PCP4: variants seen among roughly 807,000 people sequenced by gnomAD.
The protein encoded by PCP4 is calmodulin regulator protein PCP4.
PCP4 carries 8 observed loss-of-function variants against 10.0 expected under a neutral mutation model. The ratio of observed to expected loss-of-function variants is 0.80; its 90% CI spans 0.47 to 1.45. PCP4 has a LOEUF of 1.45. Among genes scored for constraint, PCP4 ranks in the 40% most tolerant of loss-of-function variants. PCP4 has a pLI of 0.00. For missense variants in PCP4, 54 were observed against 74.4 expected (o/e 0.73, Z 1.01); for synonymous variants, 21 against 23.0 (o/e 0.91, Z 0.24).
At chr21:39,884,201 T>C (rs910513648) in intron 1 of PCP4, among the ~76,000 whole-genome samples, 3 of 151,506 alleles carry the variant, frequency 2.0e-5, no homozygotes, top group African/African-American at 7.3e-5. Context: ...TTTTGAGAGA[T>C]GGAATTTCTC....
intron 1 of PCP4, 83 bp downstream of exon 1, chr21:39,867,593 G>T: frequency 7.9e-7 from 1 of 1,258,440 alleles, no homozygotes; most frequent in Admixed American, 1.7e-5. Flanking sequence ...GAAATGTGAG[G>T]GACTTAGCAG....
chr21:39,915,566 G>T (rs2087565140), intron 2 of PCP4, among the ~76,000 whole-genome samples: 1 of 152,222 alleles, frequency 6.6e-6, no homozygotes, highest in Non-Finnish European at 1.5e-5. Context: ...TGGTCAAGGG[G>T]AGTCTGTGTA....
intron 1 of PCP4, among the ~76,000 whole-genome samples, chr21:39,897,240 T>C (rs1048736608): frequency 4.6e-5 from 7 of 151,916 alleles, no homozygotes; most frequent in Non-Finnish European, 8.8e-5. Flanking sequence ...ATACAAAAAT[T>C]AGCCGGGGGT....
chr21:39,876,352 G>A (rs9978035), intron 1 of PCP4, among the ~76,000 whole-genome samples: 21,264 of 152,004 alleles, frequency 0.14, 1,784 homozygotes, highest in Middle Eastern at 0.21. Context: ...CCTCCTGTGC[G>A]TGGAATCATA....
intron 1 of PCP4, among the ~76,000 whole-genome samples, chr21:39,873,674 A>C (rs1434301678): frequency 1.3e-5 from 2 of 152,176 alleles, no homozygotes; most frequent in South Asian, 4.1e-4. Flanking sequence ...TGAATACAGA[A>C]ACGTTTTCCA....
Position 39,923,982 on chromosome 21 carries a change from G to A in PCP4, c.62-5002G>A, listed in dbSNP as rs77987792. ...AGTCTCTCTTTTGAACAAATTTTAA[G>A]GATATTCTTTCTGCCTTGTATTTCT... On this transcript the variant is annotated intron_variant, in intron 2 of 2. Coordinates refer to ENST00000328619, the MANE Select transcript of PCP4 (RefSeq NM_006198.3). Among the ~76,000 whole-genome samples the A allele has an allele frequency of 8.4e-3, 1,279 of 152,312 alleles. 17 individuals are homozygous for A. Among genetic ancestry groups the A allele is most frequent in the African/African-American group, 0.03 (1,228 of 41,568 alleles).
chr21:39,904,065 G>C (rs1346595640), intron 2 of PCP4, among the ~76,000 whole-genome samples: 6 of 152,074 alleles, frequency 3.9e-5, no homozygotes, highest in Non-Finnish European at 5.9e-5. Context: ...TACACACACA[G>C]AGTCACTTTC....
intron 2 of PCP4, among the ~76,000 whole-genome samples, chr21:39,903,853 G>A (rs2087492958): frequency 7.2e-6 from 1 of 139,804 alleles, no homozygotes; most frequent in Admixed American, 7.2e-5. Context: ...GGGCTAAAGA[G>A]TGGGACTCCG....
At chr21:39,916,668 G>A (rs1183428920) in intron 2 of PCP4, among the ~76,000 whole-genome samples, 1 of 152,174 alleles carries the variant, frequency 6.6e-6, no homozygotes, top group Non-Finnish European at 1.5e-5. Flanking sequence ...GCGTGTATAT[G>A]TTCATTGCAG....
At chr21:39,884,591 G>A (rs1241157052) in intron 1 of PCP4, among the ~76,000 whole-genome samples, 1 of 151,954 alleles carries the variant, frequency 6.6e-6, no homozygotes, top group African/African-American at 2.4e-5. Flanking sequence ...GAGGTCAGGA[G>A]TTCGAGACCA....
intron 1 of PCP4, among the ~76,000 whole-genome samples, chr21:39,875,556 G>A (rs771247270): frequency 2.6e-5 from 4 of 152,174 alleles, no homozygotes; most frequent in Non-Finnish European, 5.9e-5. Context: ...AAAACAATAA[G>A]GGTGACTTGA....
intron 1 of PCP4, among the ~76,000 whole-genome samples, chr21:39,892,913 T>C (rs2087439910): frequency 6.6e-6 from 1 of 152,214 alleles, no homozygotes; most frequent in South Asian, 2.1e-4. Flanking sequence ...GAGATTATTA[T>C]GTTAAGGGAA....
intron 2 of PCP4, among the ~76,000 whole-genome samples, chr21:39,924,852 C>T (rs553456695): frequency 9.9e-5 from 15 of 152,284 alleles, no homozygotes; most frequent in African/African-American, 3.6e-4. Flanking sequence ...TTGTTTATTC[C>T]CTGGCCAGCT....
intron 2 of PCP4, among the ~76,000 whole-genome samples, chr21:39,907,312 C>G (rs747103719): frequency 6.6e-6 from 1 of 152,040 alleles, no homozygotes; most frequent in African/African-American, 2.4e-5. Flanking sequence ...CTTCGGACCC[C>G]GGGCAGAAGT....
intron 1 of PCP4, among the ~76,000 whole-genome samples, chr21:39,896,487 C>A (rs187789427): frequency 2.6e-5 from 4 of 152,070 alleles, no homozygotes; most frequent in African/African-American, 4.8e-5. Flanking sequence ...TAAGGACAGA[C>A]AAAAAGAAGC....
rs1332219045 is a variant in PCP4 at position 39,929,093 on chromosome 21, G to C, written c.171G>C (p.Lys57Asn). The C allele has an allele frequency of 1.2e-6, 2 of 1,613,498 alleles. No individual in the cohort carries two copies. Among genetic ancestry groups the C allele is most frequent in the Non-Finnish European group, 1.7e-6 (2 of 1,179,782 alleles). Reference protein sequence around the residue: ...QSQFRKFQKKKAGSQS With the variant: ...QSQFRKFQKKNAGSQS ...AGTTCAGAAAATTCCAGAAGAAGAA[G>C]GCTGGGTCTCAGTCCTAGTGGGAGA... is the stretch of plus-strand genomic sequence containing the variant. The change falls in exon 3 of 3, where the codon AAG (lysine) becomes AAC (asparagine). Residue 57 changes from lysine to asparagine, a missense_variant. Lys to Asn is a moderately conservative substitution (Grantham distance 94, BLOSUM62 0). Coordinates refer to ENST00000328619, the MANE Select transcript of PCP4 (RefSeq NM_006198.3).
intron 1 of PCP4, among the ~76,000 whole-genome samples, chr21:39,891,636 C>T (rs111758484): frequency 0.017 from 2,514 of 152,290 alleles, 68 homozygotes; most frequent in African/African-American, 0.057. Flanking sequence ...GCAGTGGCCC[C>T]GAACGGCTGG....
intron 1 of PCP4, among the ~76,000 whole-genome samples, chr21:39,889,042 C>T (rs2087415516): frequency 6.6e-6 from 1 of 152,224 alleles, no homozygotes; most frequent in African/African-American, 2.4e-5. Context: ...CATTTCACTT[C>T]CATCCCTGCG....
chr21:39,929,154 A>G lies in PCP4; in HGVS notation c.*43A>G, dbSNP rs1471066423. On this transcript the variant is annotated 3_prime_UTR_variant, in exon 3 of 3. Coordinates refer to ENST00000328619, the MANE Select transcript of PCP4 (RefSeq NM_006198.3). ...AGTCCACCTGAAAACACCAAATTCA[A>G]CCATCATCTGTCAAGAAATTAAAAG... 1 of 1,577,608 alleles carries G rather than the reference A, an allele frequency of 6.3e-7. No homozygotes were observed. The highest frequency in any genetic ancestry group is 8.6e-7 in the Non-Finnish European group (1 of 1,159,208).
Sources: gnomAD v4.1 joint callset for allele counts (sites outside exome capture counted in the v4.1 genomes callset) on GRCh38, gnomAD v4.1.1 for gene constraint, MANE v1.5 for transcripts, NCBI Gene and HGNC (gene_info 2026-07-23, HGNC 2026-07-21) for gene names.